The following CHRM3 variants were observed in gnomAD, a reference collection of about 807,000 sequenced individuals.
The protein encoded by CHRM3 is cholinergic receptor muscarinic 3.
Under a neutral mutation model 41.8 loss-of-function variants are expected in CHRM3, and 11 were observed. The ratio of observed to expected loss-of-function variants is 0.26; its 90% CI spans 0.17 to 0.44. CHRM3 has a LOEUF of 0.44. Ranked by LOEUF, CHRM3 falls within the 20% of genes least tolerant of loss-of-function variation. The pLI is 1.00. For missense variants in CHRM3, 571 were observed against 745.4 expected (o/e 0.77, Z 2.72); for synonymous variants, 297 against 301.4 (o/e 0.99, Z 0.15).
At chr1:239,874,999 G>A (rs370882558) in intron 6 of CHRM3, among the ~76,000 whole-genome samples, 79 of 152,082 alleles carry the variant, frequency 5.2e-4, no homozygotes, top group African/African-American at 1.2e-3. Flanking sequence ...GCACCCAGCC[G>A]CCATTACTTT....
chr1:239,843,530 T>C (rs569400673), intron 6 of CHRM3, among the ~76,000 whole-genome samples: 64 of 148,740 alleles, frequency 4.3e-4, no homozygotes, highest in Non-Finnish European at 6.9e-4. Flanking sequence ...GAGGCATGGT[T>C]CAGCAAATGG....
At chr1:239,889,386 G>T (rs940649625) in intron 6 of CHRM3, among the ~76,000 whole-genome samples, 1 of 152,078 alleles carries the variant, frequency 6.6e-6, no homozygotes, top group African/African-American at 2.4e-5. Context: ...CCATCCCTCT[G>T]CTGTACACAT....
At chr1:239,601,681 T>A (rs547918542) in intron 3 of CHRM3, among the ~76,000 whole-genome samples, 1 of 152,288 alleles carries the variant, frequency 6.6e-6, no homozygotes, top group Non-Finnish European at 1.5e-5. Context: ...ATACAAGAGA[T>A]AAATAAAATA....
intron 1 of CHRM3, among the ~76,000 whole-genome samples, chr1:239,467,538 G>A (rs1665818316): frequency 6.6e-6 from 1 of 152,174 alleles, no homozygotes; most frequent in Admixed American, 6.5e-5. Flanking sequence ...CTCACCTCGT[G>A]ATCCGCCTGC....
chr1:239,671,360 T>G (rs1674349285), intron 4 of CHRM3, among the ~76,000 whole-genome samples: 1 of 152,180 alleles, frequency 6.6e-6, no homozygotes, highest in Non-Finnish European at 1.5e-5. Context: ...GAGGATCACT[T>G]GAGTCCAGAG....
intron 1 of CHRM3, among the ~76,000 whole-genome samples, chr1:239,428,662 A>C (rs1368771321): frequency 1.3e-5 from 2 of 152,252 alleles, no homozygotes; most frequent in African/African-American, 4.8e-5. Context: ...CCAAAAGATT[A>C]GTAAAATATT....
chr1:239,881,243 C>CA (rs1558205936), intron 6 of CHRM3, among the ~76,000 whole-genome samples: 23 of 132,962 alleles, frequency 1.7e-4, no homozygotes, highest in Non-Finnish European at 2.5e-4. Context: ...AGATCCCGCC[C>CA]CTGCACTCCA....
chr1:239,759,967 T>G (rs1022877155), intron 5 of CHRM3, among the ~76,000 whole-genome samples: 1 of 152,104 alleles, frequency 6.6e-6, no homozygotes, highest in Admixed American at 6.5e-5. Flanking sequence ...TAGGCTGGAG[T>G]GCAGTGGCGC....
At chr1:239,752,456 A>AT (rs918600027) in intron 5 of CHRM3, among the ~76,000 whole-genome samples, 3 of 152,186 alleles carry the variant, frequency 2.0e-5, no homozygotes, top group Non-Finnish European at 1.5e-5. Context: ...TCTAGTTTTG[A>AT]TTTTTTTCTC....
chr1:239,421,487 T>C (rs887380095), intron 1 of CHRM3, among the ~76,000 whole-genome samples: 13 of 152,222 alleles, frequency 8.5e-5, no homozygotes, highest in Non-Finnish European at 4.4e-5. Context: ...ATTTATCACA[T>C]AATTACACTT....
rs1014943307 is a variant in CHRM3, at chr1:239,914,917, A to G, written c.*5693A>G. 4.2e-5 allele frequency: 7 copies of G among 167,042 alleles called. No homozygotes were observed. Among genetic ancestry groups the G allele is most frequent in the African/African-American group, 1.7e-4 (7 of 41,454 alleles). 10.3% of individuals were successfully genotyped at this position (167,042 alleles called of 1,614,324 possible). On this transcript the variant is annotated 3_prime_UTR_variant, in exon 7 of 7. Transcript: ENST00000676153. The stretch of plus-strand genomic sequence containing the variant: ...GCATTTCCAGCCTCCTACATGTAAC[A>G]CTTCAAACTTCCTCTGGGCGTCTGC...
At chr1:239,876,804 A>C (rs573580825) in intron 6 of CHRM3, among the ~76,000 whole-genome samples, 2 of 152,304 alleles carry the variant, frequency 1.3e-5, no homozygotes, top group Non-Finnish European at 2.9e-5. Context: ...GGTTAGGCTG[A>C]CAATCAGTTC....
Position 239,552,873 on chromosome 1 carries a change from T to G in CHRM3, c.-313+7124T>G, listed in dbSNP as rs888886428. ...TTCCTGATACCTTTATGAGTCTCCATTTTATGCATTCGAAGATGAACATTT... is the reference window on the plus strand; with the variant it reads ...TTCCTGATACCTTTATGAGTCTCCAGTTTATGCATTCGAAGATGAACATTT... On this transcript the variant is annotated intron_variant, in intron 3 of 6. Transcript: ENST00000676153. Among the ~76,000 whole-genome samples, 3 of 152,026 alleles carry G rather than the reference T, an allele frequency of 2.0e-5. No individual in the cohort carries two copies. The South Asian group carries it at 6.2e-4, about 31-fold the overall frequency.
At chr1:239,864,718 GT>G (rs1413545959) in intron 6 of CHRM3, among the ~76,000 whole-genome samples, 5 of 152,106 alleles carry the variant, frequency 3.3e-5, no homozygotes, top group Non-Finnish European at 7.4e-5. Flanking sequence ...TTTTCTGAAG[GT>G]GCTGCAACCA....
chr1:239,662,384 T>C (rs1673290578), intron 4 of CHRM3, among the ~76,000 whole-genome samples: 1 of 151,492 alleles, frequency 6.6e-6, no homozygotes, highest in African/African-American at 2.5e-5. Context: ...CCTTTAACCT[T>C]GGGAAATAAA....
At chr1:239,874,251 T>C (rs113920391) in intron 6 of CHRM3, among the ~76,000 whole-genome samples, 2 of 72,344 alleles carry the variant, frequency 2.8e-5, no homozygotes, top group African/African-American at 7.0e-5. Flanking sequence ...TTCTAATATA[T>C]ATATAGCAAG....
chr1:239,740,148 A>C (rs2148487639), intron 5 of CHRM3, among the ~76,000 whole-genome samples: 1 of 152,266 alleles, frequency 6.6e-6, no homozygotes, highest in African/African-American at 2.4e-5. Context: ...ACAACCTTCC[A>C]CTTCCTGTCA....
chr1:239,823,586 G>A (rs781659649), intron 5 of CHRM3, among the ~76,000 whole-genome samples: 2 of 151,954 alleles, frequency 1.3e-5, no homozygotes, highest in Non-Finnish European at 2.9e-5. Context: ...TATTACTGTC[G>A]ACTCTCTAAA....
intron 6 of CHRM3, among the ~76,000 whole-genome samples, chr1:239,879,969 G>T (rs1451689433): frequency 6.6e-6 from 1 of 152,204 alleles, no homozygotes; most frequent in South Asian, 2.1e-4. Flanking sequence ...ACCCAGCCAG[G>T]CTTGTTCTGC....
Sources: gnomAD v4.1 joint callset for allele counts (sites outside exome capture counted in the v4.1 genomes callset) on GRCh38, gnomAD v4.1.1 for gene constraint, MANE v1.5 for transcripts, NCBI Gene and HGNC (gene_info 2026-07-23, HGNC 2026-07-21) for gene names.